The following BRD10 variants were observed in gnomAD, a reference collection of about 807,000 sequenced individuals.
The protein encoded by BRD10 is bromodomain containing 10.
At chr9:5,904,747 G>A in the BRD10 span, among the ~76,000 whole-genome samples, 3 of 149,996 alleles carry the variant, frequency 2.0e-5, no homozygotes, top group Admixed American at 1.3e-4. Flanking sequence ...TTACAGGCGT[G>A]AGCCACCGCG....
the BRD10 span, chr9:5,892,338 T>A: frequency 1.6e-6 from 1 of 611,892 alleles, no homozygotes; most frequent in Admixed American, 3.6e-5. Context: ...AACCAAAGGG[T>A]CCTGGCTATG....
chr9:5,926,333 G>A, the BRD10 span, among the ~76,000 whole-genome samples: 10 of 151,418 alleles, frequency 6.6e-5, no homozygotes, highest in South Asian at 1.7e-3. Context: ...TTTGAGACAG[G>A]GTCTCGCTTT....
At chr9:5,946,702 C>G in the BRD10 span, among the ~76,000 whole-genome samples, 1 of 152,070 alleles carries the variant, frequency 6.6e-6, no homozygotes. Flanking sequence ...CTTATTTGCA[C>G]ATATGGCAAA....
the BRD10 span, chr9:5,897,720 A>C: frequency 1.5e-6 from 2 of 1,343,052 alleles, no homozygotes; most frequent in Admixed American, 3.4e-5. Flanking sequence ...CTTTCCTCTG[A>C]ATCTCTGGAG....
chr9:5,940,720 G>C, the BRD10 span, among the ~76,000 whole-genome samples: 2 of 152,116 alleles, frequency 1.3e-5, no homozygotes, highest in Non-Finnish European at 2.9e-5. Flanking sequence ...GGGGAGAAAA[G>C]TTAAATTCCA....
At chr9:5,906,983 A>C in the BRD10 span, 1 of 1,596,886 alleles carries the variant, frequency 6.3e-7, no homozygotes, top group Non-Finnish European at 8.5e-7. Context: ...TTCAAGAGAA[A>C]AACTGTGAAC....
chr9:5,903,985 G>A, the BRD10 span, among the ~76,000 whole-genome samples: 2 of 151,964 alleles, frequency 1.3e-5, no homozygotes, highest in Non-Finnish European at 2.9e-5. Context: ...AGCCTCCCAA[G>A]TAGCTGGTAT....
At chr9:5,879,011 T>C in the BRD10 span, among the ~76,000 whole-genome samples, 4 of 152,242 alleles carry the variant, frequency 2.6e-5, no homozygotes, top group African/African-American at 9.6e-5. Context: ...TTCTCCCCCA[T>C]GGAGTTCTCA....
chr9:5,883,099 G>C, the BRD10 span, among the ~76,000 whole-genome samples: 1 of 151,988 alleles, frequency 6.6e-6, no homozygotes, highest in Non-Finnish European at 1.5e-5. Flanking sequence ...CATGGCACAT[G>C]TATACATATG....
the BRD10 span, among the ~76,000 whole-genome samples, chr9:5,983,689 A>C: frequency 6.6e-6 from 1 of 152,178 alleles, no homozygotes; most frequent in Non-Finnish European, 1.5e-5. Flanking sequence ...CTGAAAGTCT[A>C]TGGATCAAAG....
At chr9:5,922,098 G>C in the BRD10 span, 31 of 1,613,854 alleles carry the variant, frequency 1.9e-5, no homozygotes, top group South Asian at 3.2e-4. Flanking sequence ...GGTGAATTTT[G>C]ATCTGGGTTG....
chr9:5,982,179 C>T, the BRD10 span, among the ~76,000 whole-genome samples: 1 of 151,994 alleles, frequency 6.6e-6, no homozygotes, highest in Non-Finnish European at 1.5e-5. Context: ...ATGGAAATGA[C>T]CACTTTTTGT....
chr9:5,921,844 G>T, the BRD10 span: 167,431 of 1,613,796 alleles, frequency 0.1, 10,074 homozygotes, highest in Non-Finnish European at 0.12. Flanking sequence ...TATCTATCAC[G>T]TGGCCCAAAT....
the BRD10 span, chr9:5,919,584 A>ACACAC: frequency 3.3e-3 from 3,224 of 977,118 alleles, no homozygotes; most frequent in Non-Finnish European, 4.0e-3. Context: ...ACACACACAC[A>ACACAC]ATGTATAGTA....
At chr9:6,007,666 G>A in the BRD10 span, 4 of 1,605,986 alleles carry the variant, frequency 2.5e-6, no homozygotes, top group East Asian at 6.7e-5. Flanking sequence ...TCCGTGGGCC[G>A]GCCCTGAGGT....
chr9:5,983,111 G>A, the BRD10 span, among the ~76,000 whole-genome samples: 2 of 152,170 alleles, frequency 1.3e-5, no homozygotes, highest in African/African-American at 4.8e-5. Context: ...AATCTGACCA[G>A]AATATTAATA....
At chr9:5,914,373 T>C in the BRD10 span, among the ~76,000 whole-genome samples, 1 of 150,376 alleles carries the variant, frequency 6.6e-6, no homozygotes, top group East Asian at 2.0e-4. Context: ...CCTGAAAGAA[T>C]TACAATTCCT....
At chr9:5,979,252 G>C in the BRD10 span, among the ~76,000 whole-genome samples, 1 of 152,200 alleles carries the variant, frequency 6.6e-6, no homozygotes, top group African/African-American at 2.4e-5. Context: ...GGTGGCTCAT[G>C]CCTGTAATCC....
the BRD10 span, chr9:5,920,121 G>T: frequency 6.2e-7 from 1 of 1,613,898 alleles, no homozygotes; most frequent in Non-Finnish European, 8.5e-7. Flanking sequence ...CTTCTTAGAG[G>T]ATGTTGTAGA....
Sources: gnomAD v4.1 joint callset for allele counts (sites outside exome capture counted in the v4.1 genomes callset) on GRCh38, gnomAD v4.1.1 for gene constraint, MANE v1.5 for transcripts, NCBI Gene and HGNC (gene_info 2026-07-23, HGNC 2026-07-21) for gene names.